The following RARB variants were observed in gnomAD, a reference collection of about 807,000 sequenced individuals.
RARB encodes the protein retinoic acid receptor beta, also known as HBV-activated protein.
In RARB, 17 loss-of-function variants were observed where a neutral mutation model predicts 51.9. The ratio of observed to expected loss-of-function variants is 0.33; its 90% CI spans 0.22 to 0.49. RARB has a LOEUF of 0.49. Among genes scored for constraint, RARB ranks in the 20% least tolerant of loss-of-function variants. The pLI, the probability that RARB is intolerant of heterozygous loss-of-function variation, is 0.99. For missense variants in RARB, 369 were observed against 550.8 expected (o/e 0.67, Z 3.30); for synonymous variants, 215 against 195.4 (o/e 1.10, Z -0.84).
chr3:25,551,120 G>C (rs140243994), intron 3 of RARB, among the ~76,000 whole-genome samples: 5 of 152,224 alleles, frequency 3.3e-5, no homozygotes, highest in Admixed American at 6.5e-5. Flanking sequence ...CAGGGTCTTA[G>C]CAGAGTAGTT....
intron 5 of RARB, among the ~76,000 whole-genome samples, chr3:25,410,113 CCAAA>C (rs1487000807): frequency 2.6e-5 from 4 of 152,148 alleles, no homozygotes; most frequent in Non-Finnish European, 2.9e-5. Context: ...TGTACTTTGG[CCAAA>C]CAGATTCCCT....
chr3:25,076,006 T>G (rs1698863732), intron 3 of RARB, among the ~76,000 whole-genome samples: 1 of 152,216 alleles, frequency 6.6e-6, no homozygotes, highest in Non-Finnish European at 1.5e-5. Flanking sequence ...TGTTAAAAAT[T>G]AATTCAGATA....
At chr3:25,022,688 C>G (rs971076954) in intron 2 of RARB, among the ~76,000 whole-genome samples, 2 of 152,050 alleles carry the variant, frequency 1.3e-5, no homozygotes, top group African/African-American at 4.8e-5. Flanking sequence ...ACAGGGAGGA[C>G]AGGGAAGGCT....
At chr3:25,262,488 G>A (rs1703024800) in intron 5 of RARB, among the ~76,000 whole-genome samples, 1 of 152,180 alleles carries the variant, frequency 6.6e-6, no homozygotes, top group Admixed American at 6.6e-5. Flanking sequence ...CATCAGCAGG[G>A]CTCGTTCCTT....
chr3:24,897,045 G>C (rs753844800), intron 2 of RARB, among the ~76,000 whole-genome samples: 3 of 152,194 alleles, frequency 2.0e-5, no homozygotes, highest in Non-Finnish European at 2.9e-5. Context: ...GAGGCTGTCT[G>C]ATTTGGCATC....
intron 5 of RARB, among the ~76,000 whole-genome samples, chr3:25,393,978 C>G (rs1457830539): frequency 6.6e-6 from 1 of 151,766 alleles, no homozygotes; most frequent in Admixed American, 6.6e-5. Flanking sequence ...GTTCTTGATT[C>G]TCTAGTTCCT....
intron 2 of RARB, among the ~76,000 whole-genome samples, chr3:25,038,688 A>G (rs1698053666): frequency 6.6e-6 from 1 of 152,194 alleles, no homozygotes. Context: ...CTTGGTTGGC[A>G]TTTAAGTGTG....
At chr3:25,520,932 T>C (rs1436492297) in intron 3 of RARB, among the ~76,000 whole-genome samples, 1 of 152,218 alleles carries the variant, frequency 6.6e-6, no homozygotes, top group Non-Finnish European at 1.5e-5. Flanking sequence ...CTGCCTCTGT[T>C]TTGTCAGCTG....
intron 5 of RARB, among the ~76,000 whole-genome samples, chr3:25,413,044 A>G (rs962598135): frequency 3.3e-5 from 5 of 151,908 alleles, no homozygotes; most frequent in African/African-American, 1.2e-4. Flanking sequence ...AAAGAAGAAG[A>G]AGAAAGAAAA....
In RARB at chr3:24,958,255, GTTTTTTTTTTTTTTT is replaced by G. The variant is rs71057692; in HGVS notation, c.-380+99523_-380+99537del. ...ACCTGAAGCTTCCTGAGCTGCTCAG[GTTTTTTTTTTTTTTT>G]TTTTTTTTTTTTTTTTTTTAGCTGT... On this transcript the variant is annotated intron_variant, in intron 2 of 11. Transcript: ENST00000383772. Among the ~76,000 whole-genome samples the G allele has an allele frequency of 0.012, 854 of 69,530 alleles. 73 individuals are homozygous for G. In the East Asian group the frequency reaches 0.25, roughly 20 times the overall value. The allele number at this position is 69,530 out of a possible 152,430, so 45.6% of individuals were successfully genotyped here.
chr3:25,055,143 A>C (rs781342885), intron 2 of RARB, among the ~76,000 whole-genome samples: 1 of 152,154 alleles, frequency 6.6e-6, no homozygotes, highest in Admixed American at 6.5e-5. Flanking sequence ...TTAAAAGCCA[A>C]AGTTTCAGAA....
At chr3:24,902,811 GC>G (rs1703636269) in intron 2 of RARB, among the ~76,000 whole-genome samples, 1 of 152,134 alleles carries the variant, frequency 6.6e-6, no homozygotes, top group Non-Finnish European at 1.5e-5. Flanking sequence ...GGCTGGCTTT[GC>G]CAATCTGGTT....
intron 3 of RARB, among the ~76,000 whole-genome samples, chr3:25,553,488 A>G (rs1408736846): frequency 6.6e-6 from 1 of 152,216 alleles, no homozygotes; most frequent in Non-Finnish European, 1.5e-5. Context: ...ATGGCCTTGG[A>G]AAGTCTTTGG....
In RARB at chr3:24,930,367, T is replaced by C. The variant is rs148765103; in HGVS notation, c.-380+71615T>C. 2.7e-3 allele frequency among the ~76,000 whole-genome samples: 415 copies of C among 152,128 alleles called. 2 individuals are homozygous for C. The highest frequency in any genetic ancestry group is 9.6e-3 in the African/African-American group (399 of 41,520). ...CATTAACTGCGTTTGTGAGTGCTGC[T>C]AGAACTGCAAAATATGGTTATACCT... On this transcript the variant is annotated intron_variant, in intron 2 of 11. Coordinates refer to the RARB transcript ENST00000383772.
intron 4 of RARB, among the ~76,000 whole-genome samples, chr3:25,173,291 C>T (rs1300014644): frequency 6.6e-6 from 1 of 152,192 alleles, no homozygotes; most frequent in Non-Finnish European, 1.5e-5. Context: ...GTTGTTAAAA[C>T]TAGCAGCTCA....
rs1450759633 is a variant in RARB at position 25,174,560 on chromosome 3, AC to A, written c.167del (p.Pro56ArgfsTer65). 2.2e-6 allele frequency: 3 copies of A among 1,351,734 alleles called. No homozygotes were observed. Among genetic ancestry groups the A allele is most frequent in the Non-Finnish European group, 2.9e-6 (3 of 1,021,708 alleles). The allele number at this position is 1,351,734 out of a possible 1,614,324, so 83.7% of individuals were successfully genotyped here. On this transcript the variant is annotated frameshift_variant, in exon 5 of 12. Coordinates refer to the RARB transcript ENST00000383772. LOFTEE classifies it high-confidence loss of function. ...ACATCCGCCTCCGAGTGGATGCAGC[AC>A]CCCGTCGCCGGCAAGTAAGTCCTGC...
chr3:25,411,086 A>C (rs1231614092), intron 5 of RARB, among the ~76,000 whole-genome samples: 1 of 152,246 alleles, frequency 6.6e-6, no homozygotes, highest in Non-Finnish European at 1.5e-5. Flanking sequence ...TACCTTTCTG[A>C]AATCGAGTTC....
chr3:24,886,811 T>A (rs1186358632), intron 2 of RARB, among the ~76,000 whole-genome samples: 2 of 152,174 alleles, frequency 1.3e-5, no homozygotes, highest in African/African-American at 4.8e-5. Flanking sequence ...AAGGCAGTAA[T>A]GTAAAAGAGA....
At chr3:25,551,118 T>C (rs1699835497) in intron 3 of RARB, among the ~76,000 whole-genome samples, 1 of 152,092 alleles carries the variant, frequency 6.6e-6, no homozygotes, top group South Asian at 2.1e-4. Flanking sequence ...GGCAGGGTCT[T>C]AGCAGAGTAG....
Sources: allele counts gnomAD v4.1 joint callset (sites outside exome capture counted in the v4.1 genomes callset), GRCh38; gene constraint gnomAD v4.1.1; transcripts MANE v1.5; gene names NCBI Gene and HGNC (gene_info 2026-07-23, HGNC 2026-07-21).